The following MYO16 variants were observed in gnomAD, a reference collection of about 807,000 sequenced individuals.
MYO16 encodes the protein myosin XVI.
MYO16 carries 94 observed loss-of-function variants against 205.3 expected under a neutral mutation model. The ratio of observed to expected loss-of-function variants is 0.46; its 90% CI spans 0.39 to 0.54. The LOEUF is 0.54. Ranked by LOEUF, MYO16 falls within the 20% of genes least tolerant of loss-of-function variation. The pLI is 0.00. For missense variants in MYO16, 2,315 were observed against 2,387.5 expected (o/e 0.97, Z 0.63); for synonymous variants, 988 against 954.0 (o/e 1.04, Z -0.66).
intron 20 of MYO16, among the ~76,000 whole-genome samples, chr13:108,992,031 A>G (rs1440123185): frequency 1.3e-5 from 2 of 152,178 alleles, no homozygotes; most frequent in Admixed American, 6.5e-5. Flanking sequence ...GACACTATCA[A>G]CAGAGTAAAT....
intron 16 of MYO16, among the ~76,000 whole-genome samples, chr13:108,952,620 A>G (rs1883199974): frequency 6.6e-6 from 1 of 152,206 alleles, no homozygotes; most frequent in Admixed American, 6.5e-5. Context: ...ATTCCTCTAT[A>G]GCACCAATGT....
At chr13:108,728,467 G>A (rs985400867) in intron 4 of MYO16, among the ~76,000 whole-genome samples, 4 of 152,148 alleles carry the variant, frequency 2.6e-5, no homozygotes, top group Admixed American at 2.6e-4. Context: ...CTGAACACAA[G>A]CACCCTTGCG....
In MYO16 at chr13:109,207,132, T is replaced by A. The variant is rs989199516; in HGVS notation, c.*296T>A. ...AGAGAGGCTGGGAAAAGTGTGGACGTGGCCAGAGCGAGAGAGTAGCGGAGG... is the reference window on the plus strand; with the variant it reads ...AGAGAGGCTGGGAAAAGTGTGGACGAGGCCAGAGCGAGAGAGTAGCGGAGG... On this transcript the variant is annotated 3_prime_UTR_variant, in exon 35 of 35. Transcript: ENST00000457511. 8.0e-6 allele frequency: 3 copies of A among 373,394 alleles called. No individual in the cohort carries two copies. The Admixed American group carries it at 1.2e-4, about 15-fold the overall frequency. 23.1% of individuals were successfully genotyped at this position (373,394 alleles called of 1,614,324 possible).
intron 16 of MYO16, among the ~76,000 whole-genome samples, chr13:108,957,466 G>A (rs775720816): frequency 2.7e-5 from 4 of 150,858 alleles, no homozygotes; most frequent in South Asian, 2.1e-4. Flanking sequence ...GATGAAAACC[G>A]AGTAAAGCAA....
intron 3 of MYO16, 22 bp from the exon 4 acceptor site, chr13:108,727,418 T>A: frequency 6.2e-7 from 1 of 1,606,164 alleles, no homozygotes. Context: ...AATTTGATAT[T>A]TCCTTGTATT....
At chr13:108,559,517 A>C in the MYO16 span, among the ~76,000 whole-genome samples, 5 of 120,144 alleles carry the variant, frequency 4.2e-5, no homozygotes, top group South Asian at 1.3e-3. Flanking sequence ...CTCTGTCGCC[A>C]GGCTGGAGTG....
At chr13:108,846,740 A>C (rs955712513) in intron 10 of MYO16, among the ~76,000 whole-genome samples, 1 of 152,132 alleles carries the variant, frequency 6.6e-6, no homozygotes, top group Non-Finnish European at 1.5e-5. Flanking sequence ...AATTAAAGAT[A>C]ACTTTAAAAT....
Position 108,757,481 on chromosome 13 carries a change from GGT to G in MYO16, c.508-28153_508-28152del, listed in dbSNP as rs1566589823. Among the ~76,000 whole-genome samples the G allele has an allele frequency of 9.5e-5, 14 of 146,816 alleles. No homozygotes were observed. The East Asian group carries it at 9.7e-4, about 10-fold the overall frequency. ...TTTTATGACCAAGCTAGTTTTTTGGGGTTTTTTTTAATTATACTTTAAGTTTT... is the reference window on the plus strand; with the variant it reads ...TTTTATGACCAAGCTAGTTTTTTGGGTTTTTTTAATTATACTTTAAGTTTT... On this transcript the variant is annotated intron_variant, in intron 4 of 34. Coordinates refer to ENST00000457511, the MANE Select transcript of MYO16 (RefSeq NM_001198950.3).
intron 4 of MYO16, among the ~76,000 whole-genome samples, chr13:108,729,459 A>G (rs866762189): frequency 1.3e-5 from 2 of 152,170 alleles, no homozygotes; most frequent in African/African-American, 2.4e-5. Flanking sequence ...AGAATGAGAT[A>G]GGCTTGATTC....
At chr13:108,528,570 TCC>T in the MYO16 span, among the ~76,000 whole-genome samples, 5 of 118,512 alleles carry the variant, frequency 4.2e-5, no homozygotes, top group South Asian at 3.3e-4. Flanking sequence ...TCCTCTCCTC[TCC>T]CCTCCCCTCC....
intron 17 of MYO16, 110 bp downstream of exon 17, chr13:108,957,909 G>A (rs113738959): frequency 9.9e-5 from 83 of 837,824 alleles, no homozygotes; most frequent in South Asian, 7.7e-4. Flanking sequence ...AGATGTTGCC[G>A]AGGACACTGA....
At chr13:109,121,711 T>C (rs157018) in intron 29 of MYO16, among the ~76,000 whole-genome samples, 1,866 of 152,304 alleles carry the variant, frequency 0.012, 42 homozygotes, top group African/African-American at 0.042. Flanking sequence ...GCCTCAGAGA[T>C]ATCACAGTGC....
intron 7 of MYO16, among the ~76,000 whole-genome samples, chr13:108,811,312 T>C (rs1887284031): frequency 6.6e-6 from 1 of 152,164 alleles, no homozygotes; most frequent in African/African-American, 2.4e-5. Flanking sequence ...GGGAAAACAG[T>C]CTGGTTATGC....
In MYO16 at chr13:108,670,308, A is replaced by T. The variant is rs138553535; in HGVS notation, c.292+4159A>T. Among the ~76,000 whole-genome samples, 201 of 152,228 alleles carry T rather than the reference A, an allele frequency of 1.3e-3. 2 individuals carry two copies. Among genetic ancestry groups the T allele is most frequent in the Admixed American group, 0.01 (154 of 15,278 alleles). On this transcript the variant is annotated intron_variant, in intron 2 of 34. Coordinates refer to ENST00000457511, the MANE Select transcript of MYO16 (RefSeq NM_001198950.3). ...GGGAAGATTTTATTTTTTAATTTCCATGTCTAAGAACTGCCCATAAAGATG... is the reference window on the plus strand; with the variant it reads ...GGGAAGATTTTATTTTTTAATTTCCTTGTCTAAGAACTGCCCATAAAGATG...
chr13:108,752,774 T>A (rs1330881997), intron 4 of MYO16, among the ~76,000 whole-genome samples: 2 of 148,110 alleles, frequency 1.4e-5, no homozygotes, highest in Non-Finnish European at 3.0e-5. Context: ...CCTGAATAGC[T>A]GGGATTACAG....
chr13:108,784,086 C>T (rs986381064), intron 4 of MYO16, among the ~76,000 whole-genome samples: 2 of 152,196 alleles, frequency 1.3e-5, no homozygotes, highest in African/African-American at 4.8e-5. Flanking sequence ...CACTGAGTCA[C>T]TCTGGATGTT....
At chr13:108,498,224 C>T in the MYO16 span, among the ~76,000 whole-genome samples, 4 of 152,116 alleles carry the variant, frequency 2.6e-5, no homozygotes, top group African/African-American at 9.7e-5. Flanking sequence ...GTTCATAGAA[C>T]GAGAAAATGC....
At chr13:108,669,137 G>A (rs1232964192) in intron 2 of MYO16, among the ~76,000 whole-genome samples, 4 of 152,074 alleles carry the variant, frequency 2.6e-5, no homozygotes, top group Non-Finnish European at 5.9e-5. Flanking sequence ...TAAGAACTGA[G>A]TCCCAAGGAA....
At chr13:108,729,246 C>A (rs1884442115) in intron 4 of MYO16, among the ~76,000 whole-genome samples, 1 of 151,888 alleles carries the variant, frequency 6.6e-6, no homozygotes, top group Admixed American at 6.6e-5. Flanking sequence ...AGAATTTCTC[C>A]AGAATTGAAA....
Sources: gnomAD v4.1 joint callset for allele counts (sites outside exome capture counted in the v4.1 genomes callset) on GRCh38, gnomAD v4.1.1 for gene constraint, MANE v1.5 for transcripts, NCBI Gene and HGNC (gene_info 2026-07-23, HGNC 2026-07-21) for gene names.